OR1L8: variants seen among roughly 807,000 people sequenced by gnomAD.
OR1L8 encodes the protein olfactory receptor 1L8.
For missense variants in OR1L8, 330 were observed against 377.4 expected, an observed-to-expected ratio of 0.87 and a Z score of 1.04; for synonymous variants, 148 against 147.0, an observed-to-expected ratio of 1.01 and a Z score of -0.05.
the OR1L8 span, among the ~76,000 whole-genome samples, chr9:122,551,995 C>G: frequency 2.6e-5 from 3 of 114,370 alleles, no homozygotes; most frequent in Non-Finnish European, 4.1e-5. Flanking sequence ...TAAAACTGAT[C>G]CATAATCTGA....
rs562931755 is a variant in OR1L8 at position 122,576,780 on chromosome 9, C to T, written c.-356G>A. The stretch of plus-strand genomic sequence containing the variant: ...GGTTTTCCTACCTTAGCACTGATTC[C>T]TGCAGAGGCTTCTGTTTGTGGGTTT... On this transcript the variant is annotated 5_prime_UTR_variant, in exon 3 of 5. Coordinates refer to ENST00000641027, the MANE Select transcript of OR1L8 (RefSeq NM_001004454.2). 1 of 152,262 alleles carries T rather than the reference C, an allele frequency of 6.6e-6. No individual in the cohort carries two copies. Among genetic ancestry groups the T allele is most frequent in the African/African-American group, 2.4e-5 (1 of 41,558 alleles). The allele number at this position is 152,262 out of a possible 1,614,324, so 9.4% of individuals were successfully genotyped here.
chr9:122,563,114 G>A (rs998718840), downstream of OR1L8, among the ~76,000 whole-genome samples: 4 of 151,668 alleles, frequency 2.6e-5, no homozygotes, highest in East Asian at 1.9e-4. Context: ...CATAATGGAT[G>A]TACTAATTTA....
intron 4 of OR1L8, among the ~76,000 whole-genome samples, chr9:122,572,267 A>C (rs1200929935): frequency 2.0e-5 from 3 of 152,230 alleles, no homozygotes; most frequent in Non-Finnish European, 2.9e-5. Context: ...GGGGACACAG[A>C]TCCAAACCAT....
chr9:122,574,887 G>C (rs1317361162), intron 3 of OR1L8, among the ~76,000 whole-genome samples: 1 of 152,030 alleles, frequency 6.6e-6, no homozygotes, highest in African/African-American at 2.4e-5. Context: ...CTAGTTTACT[G>C]AGAGTTTTTA....
At chr9:122,577,476 A>T (rs2118744353) in intron 2 of OR1L8, among the ~76,000 whole-genome samples, 1 of 152,348 alleles carries the variant, frequency 6.6e-6, no homozygotes, top group East Asian at 1.9e-4. Context: ...CTCAATAATA[A>T]AAAAGTGCAA....
At chr9:122,574,907 A>C (rs1489948870) in intron 3 of OR1L8, among the ~76,000 whole-genome samples, 1 of 151,984 alleles carries the variant, frequency 6.6e-6, no homozygotes, top group East Asian at 1.9e-4. Context: ...AGAATCATAG[A>C]TGGGTGTTGG....
the OR1L8 span, among the ~76,000 whole-genome samples, chr9:122,557,117 T>C: frequency 6.6e-6 from 1 of 152,172 alleles, no homozygotes; most frequent in Non-Finnish European, 1.5e-5. Flanking sequence ...TTCTTTTAGT[T>C]CCAGAAGAGA....
chr9:122,553,097 C>T, the OR1L8 span: 1 of 1,098,396 alleles, frequency 9.1e-7, no homozygotes, highest in Non-Finnish European at 1.3e-6. Flanking sequence ...TTTTTCTTTT[C>T]TTTTTCTCCC....
At chr9:122,547,897 C>T in the OR1L8 span, among the ~76,000 whole-genome samples, 1 of 152,242 alleles carries the variant, frequency 6.6e-6, no homozygotes, top group South Asian at 2.1e-4. Context: ...TATTAATTTA[C>T]ATTCCTACCA....
At chr9:122,581,424 C>CAGTT (rs778531934) in intron 1 of OR1L8, among the ~76,000 whole-genome samples, 10 of 152,148 alleles carry the variant, frequency 6.6e-5, no homozygotes, top group East Asian at 1.9e-4. Context: ...AAAGCAATTA[C>CAGTT]AGTTAGGTAA....
intron 4 of OR1L8, among the ~76,000 whole-genome samples, chr9:122,569,595 T>C (rs1462736285): frequency 1.2e-5 from 1 of 81,568 alleles, no homozygotes; most frequent in African/African-American, 4.8e-5. Context: ...ATTTATACAT[T>C]TTTGGCTACC....
At chr9:122,565,602 A>G (rs986738088), downstream of OR1L8, among the ~76,000 whole-genome samples, 1 of 152,192 alleles carries the variant, frequency 6.6e-6, no homozygotes, top group African/African-American at 2.4e-5. Flanking sequence ...TGATTAGCCA[A>G]TTACTTGGTG....
Position 122,568,004 on chromosome 9 carries a change from G to C in OR1L8, c.474C>G (p.Leu158=), listed in dbSNP as rs746215207. The C allele has an allele frequency of 1.2e-6, 2 of 1,614,106 alleles. No individual in the cohort carries two copies. Among genetic ancestry groups the C allele is most frequent in the Non-Finnish European group, 1.7e-6 (2 of 1,179,976 alleles). The change falls in exon 5 of 5, where the codon CTC becomes CTG. Residue 158 remains leucine, a synonymous_variant. Coordinates refer to ENST00000641027, the MANE Select transcript of OR1L8 (RefSeq NM_001004454.2). ...FSCSFPHLHS[L]LHTLLLNRLT... The stretch of plus-strand genomic sequence containing the variant: ...GACGATTCAGCAGAAGTGTGTGCAG[G>C]AGTGAGTGGAGGTGAGGAAATGAGC...
chr9:122,572,559 T>A (rs1435372594), intron 4 of OR1L8, among the ~76,000 whole-genome samples: 1 of 141,642 alleles, frequency 7.1e-6, no homozygotes, highest in Non-Finnish European at 1.5e-5. Context: ...CATTGTTTTG[T>A]TTTTTTGGTT....
the OR1L8 span, chr9:122,553,314 C>T: frequency 1.2e-6 from 2 of 1,613,912 alleles, no homozygotes; most frequent in African/African-American, 2.7e-5. Context: ...TGGCATCTTC[C>T]TTGGCATGTA....
At chr9:122,555,675 C>A in the OR1L8 span, among the ~76,000 whole-genome samples, 1 of 152,158 alleles carries the variant, frequency 6.6e-6, no homozygotes, top group African/African-American at 2.4e-5. Context: ...ATTTGTAGGG[C>A]AGGCTGGAAA....
chr9:122,570,179 C>G (rs978257879), intron 4 of OR1L8, among the ~76,000 whole-genome samples: 13 of 149,680 alleles, frequency 8.7e-5, no homozygotes, highest in Middle Eastern at 3.4e-3. Context: ...ATTTATAGTC[C>G]TTTGGGTATA....
At chr9:122,549,404 C>T in the OR1L8 span, among the ~76,000 whole-genome samples, 27 of 152,140 alleles carry the variant, frequency 1.8e-4, no homozygotes, top group Non-Finnish European at 2.9e-5. Flanking sequence ...TACCCACCCT[C>T]AGATTTTCCT....
At chr9:122,562,030 C>G in the OR1L8 span, among the ~76,000 whole-genome samples, 1 of 152,192 alleles carries the variant, frequency 6.6e-6, no homozygotes, top group African/African-American at 2.4e-5. Flanking sequence ...CCTTGAGCCC[C>G]TGGCGGGAGT....
Sources: allele counts gnomAD v4.1 joint callset (sites outside exome capture counted in the v4.1 genomes callset), GRCh38; gene constraint gnomAD v4.1.1; transcripts MANE v1.5; gene names NCBI Gene and HGNC (gene_info 2026-07-23, HGNC 2026-07-21).